Variants in FREM2 observed in about 807,000 individuals in gnomAD.
FREM2 encodes FRAS1-related extracellular matrix protein 2.
A neutral mutation model predicts 219.9 loss-of-function variants in FREM2; 119 were observed. The observed-to-expected ratio is 0.54, with a 90% CI of 0.47 to 0.63. FREM2 has a LOEUF of 0.63. Among genes scored for constraint, FREM2 ranks in the 30% least tolerant of loss-of-function variants. The pLI, the probability that FREM2 is intolerant of heterozygous loss-of-function variation, is 0.00. For synonymous variants in FREM2, 1,562 were observed against 1,522.8 expected (o/e 1.03, Z -0.60); for missense variants, 4,030 against 3,993.6 (o/e 1.01, Z -0.25).
At chr13:38,710,172 A>G (rs1210189524) in intron 2 of FREM2, among the ~76,000 whole-genome samples, 3 of 152,080 alleles carry the variant, frequency 2.0e-5, no homozygotes, top group Non-Finnish European at 4.4e-5. Flanking sequence ...TGACAGAGTG[A>G]GTGAGACTCT....
rs139904877 is a variant in FREM2 at position 38,755,564 on chromosome 13, C to A, written c.5264-8740C>A. 1.9e-3 allele frequency among the ~76,000 whole-genome samples: 296 copies of A among 152,188 alleles called. 3 individuals carry two copies. The highest frequency in any genetic ancestry group is 7.0e-3 in the African/African-American group (289 of 41,512). ...CAAGAATTAGAGATGAAAAAACTTA[C>A]ACTACACTTTGAATCCCTACACTCA... is the stretch of plus-strand genomic sequence containing the variant. On this transcript the variant is annotated intron_variant, in intron 2 of 23. Coordinates refer to ENST00000280481, the MANE Select transcript of FREM2 (RefSeq NM_207361.6).
Position 38,691,273 on chromosome 13 carries a change from A to G in FREM2, c.3929A>G (p.Asn1310Ser), listed in dbSNP as rs760050354. 4 of 1,613,914 alleles carry G rather than the reference A, an allele frequency of 2.5e-6. No individual in the cohort carries two copies. The highest frequency in any genetic ancestry group is 1.7e-5 in the Admixed American group (1 of 60,024). The change falls in exon 1 of 24, where the codon AAT becomes AGT. Residue 1310 changes from asparagine to serine, a missense_variant. By Grantham distance (46) the Asn-to-Ser change is conservative. Around this residue, in one of 2 missense-constraint regions of FREM2, gnomAD observed 3,102 missense variants for 2,950.7 expected, o/e 1.05. Coordinates refer to ENST00000280481, the MANE Select transcript of FREM2 (RefSeq NM_207361.6). ...GAGACGCCCAGAATGACTATCAATA[A>G]TGGACTAGAAATAGAAATTGGGGAT... Reference protein sequence around the residue: ...DDETPRMTINNGLEIEIGDTK... With the variant: ...DDETPRMTINSGLEIEIGDTK...
In FREM2 at chr13:38,688,988, G is replaced by A. The variant is rs745379577; in HGVS notation, c.1644G>A (p.Leu548=). The change falls in exon 1 of 24, where the codon CTG becomes CTA. Residue 548 remains leucine (L), a synonymous_variant. Transcript: ENST00000280481. ...GAGGCAGGCACCAGGTACAGTTTCT[G>A]TTCCCCATCACCTTAGTGCCTGTGG... The part of the protein sequence containing the change: ...DGGGRHQVQF[L]FPITLVPVDD... The A allele has an allele frequency of 1.9e-6, 3 of 1,613,904 alleles. No individual in the cohort carries two copies. The South Asian group carries it at 3.3e-5, about 18-fold the overall frequency.
At position 38,691,926 on chromosome 13, in the gene FREM2, G is replaced by A. The variant is rs200308898; in HGVS notation, c.4582G>A (p.Asp1528Asn). ...VFRTFRISISDVDNKKPVVTI... is the reference protein window; with the variant it reads ...VFRTFRISISNVDNKKPVVTI... The stretch of plus-strand genomic sequence containing the variant: ...TCGGACATTCCGTATCTCCATTAGC[G>A]ATGTGGACAATAAAAAGCCAGTGGT... Residue 1528 changes from aspartate (D) to asparagine (N), a missense_variant, in exon 1 of 24, where the codon GAT becomes AAT. By Grantham distance (23) the Asp-to-Asn change is conservative. Around this residue, in one of 2 missense-constraint regions of FREM2, gnomAD observed 3,102 missense variants for 2,950.7 expected, o/e 1.05. Transcript: ENST00000280481. 5.6e-6 allele frequency: 9 copies of A among 1,614,046 alleles called. No homozygotes were observed. The Admixed American group carries it at 6.7e-5, about 12-fold the overall frequency.
At chr13:38,877,818 CTG>C (rs1213807978) in intron 21 of FREM2, among the ~76,000 whole-genome samples, 1 of 152,132 alleles carries the variant, frequency 6.6e-6, no homozygotes, top group East Asian at 1.9e-4. Flanking sequence ...TTTTTGTAAA[CTG>C]GACTTGGACC....
rs1447381737 is a variant in FREM2, at chr13:38,880,381, A to T, written c.9104A>T (p.His3035Leu). The T allele has an allele frequency of 1.9e-6, 3 of 1,614,030 alleles. No individual in the cohort carries two copies. Among genetic ancestry groups the T allele is most frequent in the Non-Finnish European group, 2.5e-6 (3 of 1,180,026 alleles). ...ATTGGCAAAAGAAGTGTGGAGTACC[A>T]TTCTCTGGTGAGTCAAGGAAAGCCC... Reference protein sequence around the residue: ...RGIGKRSVEYHSLVSQGKPQS... With the variant: ...RGIGKRSVEYLSLVSQGKPQS... The change falls in exon 24 of 24, where the codon CAT (histidine) becomes CTT (leucine). Residue 3035 changes from histidine (H) to leucine (L), a missense_variant. His to Leu is a moderately conservative substitution (Grantham distance 99). Transcript: ENST00000280481.
At chr13:38,713,015 T>C (rs559949749) in intron 2 of FREM2, among the ~76,000 whole-genome samples, 1 of 152,294 alleles carries the variant, frequency 6.6e-6, no homozygotes, top group East Asian at 1.9e-4. Flanking sequence ...TCTGTCCAAA[T>C]AGTCCTCACA....
chr13:38,740,946 A>G (rs1412121296), intron 2 of FREM2, among the ~76,000 whole-genome samples: 3 of 152,218 alleles, frequency 2.0e-5, no homozygotes, highest in African/African-American at 7.2e-5. Flanking sequence ...AAGTTTGACT[A>G]TTCAACAATG....
At chr13:38,732,264 A>G (rs542952738) in intron 2 of FREM2, among the ~76,000 whole-genome samples, 57 of 152,340 alleles carry the variant, frequency 3.7e-4, no homozygotes, top group African/African-American at 1.3e-3. Context: ...AGGGCTGCAT[A>G]TAAATCAGAA....
chr13:38,840,789 A>G (rs1876931835), intron 6 of FREM2, among the ~76,000 whole-genome samples: 1 of 151,908 alleles, frequency 6.6e-6, no homozygotes, highest in African/African-American at 2.4e-5. Flanking sequence ...TTGTGAAAGA[A>G]CTGAATTTAA....
intron 5 of FREM2, among the ~76,000 whole-genome samples, chr13:38,783,742 T>C (rs2137830450): frequency 6.6e-6 from 1 of 152,352 alleles, no homozygotes; most frequent in Admixed American, 6.5e-5. Flanking sequence ...GAGTAGACTT[T>C]TGTTAAAATT....
rs549125292 is a variant in FREM2 at position 38,882,438 on chromosome 13, A to T, written c.*1651A>T. The stretch of plus-strand genomic sequence containing the variant: ...AAGTATCAACCATTTCTTGATCAAG[A>T]TAAGGAAGCAACACTGATACTGAGA... On this transcript the variant is annotated 3_prime_UTR_variant, in exon 24 of 24. Transcript: ENST00000280481. 1 of 152,296 alleles carries T rather than the reference A, an allele frequency of 6.6e-6. No homozygotes were observed. The highest frequency in any genetic ancestry group is 6.5e-5 in the Admixed American group (1 of 15,298). 9.4% of individuals were successfully genotyped at this position (152,296 alleles called of 1,614,324 possible).
chr13:38,731,392 A>C lies in FREM2; in HGVS notation c.5264-32912A>C, dbSNP rs375581217. On this transcript the variant is annotated intron_variant, in intron 2 of 23. Transcript: ENST00000280481. ...TCCTTGAGTTATAAGATACCAGTGA[A>C]TATTGGCCAAGAAGCAAGTTTTCTG... 7.2e-5 allele frequency among the ~76,000 whole-genome samples: 11 copies of C among 152,334 alleles called. 1 individual carries two copies. In the South Asian group the frequency reaches 1.9e-3, roughly 26 times the overall value.
chr13:38,850,575 G>A (rs1388425018), intron 9 of FREM2, among the ~76,000 whole-genome samples: 1 of 152,160 alleles, frequency 6.6e-6, no homozygotes, highest in African/African-American at 2.4e-5. Flanking sequence ...CTAGAAACTA[G>A]TGTTGAGGTC....
chr13:38,781,459 T>A (rs2137827912), intron 4 of FREM2, among the ~76,000 whole-genome samples: 1 of 152,306 alleles, frequency 6.6e-6, no homozygotes, highest in East Asian at 1.9e-4. Flanking sequence ...AATATACTAC[T>A]TATTTTCTTG....
intron 16 of FREM2, among the ~76,000 whole-genome samples, chr13:38,867,417 A>G (rs1269150635): frequency 6.6e-6 from 1 of 152,272 alleles, no homozygotes; most frequent in African/African-American, 2.4e-5. Context: ...ATAAAATTCT[A>G]AAATCCTTAT....
intron 9 of FREM2, 55 bp downstream of exon 9, chr13:38,850,290 C>G (rs1877324007): frequency 5.1e-6 from 7 of 1,381,526 alleles, no homozygotes; most frequent in Non-Finnish European, 6.2e-6. Context: ...AATTTTTACT[C>G]AGAAATATAT....
At chr13:38,759,482 G>A (rs932602081) in intron 2 of FREM2, among the ~76,000 whole-genome samples, 10 of 150,028 alleles carry the variant, frequency 6.7e-5, no homozygotes, top group Non-Finnish European at 1.3e-4. Context: ...AGTTTGAATT[G>A]AAGAAAATGA....
At chr13:38,738,096 A>G (rs1046636016) in intron 2 of FREM2, among the ~76,000 whole-genome samples, 1 of 152,208 alleles carries the variant, frequency 6.6e-6, no homozygotes, top group African/African-American at 2.4e-5. Flanking sequence ...TCACAGAAGC[A>G]GGTTTGACTC....
Sources: allele counts gnomAD v4.1 joint callset (sites outside exome capture counted in the v4.1 genomes callset), GRCh38; gene constraint gnomAD v4.1.1; regional missense constraint gnomAD v4.1.1; transcripts MANE v1.5; gene names NCBI Gene and HGNC (gene_info 2026-07-23, HGNC 2026-07-21).